PIP4P2: variants seen among roughly 807,000 people sequenced by gnomAD.
PIP4P2 encodes phosphatidylinositol-4,5-bisphosphate 4-phosphatase 2.
In PIP4P2, 19 loss-of-function variants were observed where a neutral mutation model predicts 33.3. The observed-to-expected ratio is 0.57, with a 90% confidence interval of 0.40 to 0.84. The LOEUF is 0.84. PIP4P2 is among the 40% of genes least tolerant of loss of function. The probability of loss-of-function intolerance (pLI) is 0.00; values close to 1 mark genes in which losing one functional copy is unlikely to be tolerated. For missense variants in PIP4P2, 270 were observed against 324.7 expected (o/e 0.83, Z 1.29); for synonymous variants, 110 against 111.9 (o/e 0.98, Z 0.11).
chr8:91,036,025 C>A (rs1452881709), intron 1 of PIP4P2, among the ~76,000 whole-genome samples: 2 of 151,434 alleles, frequency 1.3e-5, no homozygotes, highest in African/African-American at 4.9e-5. Context: ...AAAAAAAAAA[C>A]AAAACCAAAA....
At chr8:91,025,191 G>C (rs539355356) in intron 1 of PIP4P2, among the ~76,000 whole-genome samples, 1 of 151,138 alleles carries the variant, frequency 6.6e-6, no homozygotes, top group African/African-American at 2.4e-5. Context: ...GAATCGGGGT[G>C]GGGGGGAATT....
chr8:91,022,615 C>T (rs1470648709), intron 1 of PIP4P2, among the ~76,000 whole-genome samples: 1 of 152,074 alleles, frequency 6.6e-6, no homozygotes, highest in African/African-American at 2.4e-5. Flanking sequence ...ATCACAATAG[C>T]TAAGCATAAT....
At chr8:91,028,822 A>G (rs969418299) in intron 1 of PIP4P2, among the ~76,000 whole-genome samples, 1 of 152,206 alleles carries the variant, frequency 6.6e-6, no homozygotes, top group African/African-American at 2.4e-5. Flanking sequence ...CGGCTGCTTC[A>G]TAACTGAAGT....
intron 3 of PIP4P2, among the ~76,000 whole-genome samples, 167 bp downstream of exon 3, chr8:91,019,990 G>C (rs1811983055): frequency 6.6e-6 from 1 of 152,108 alleles, no homozygotes; most frequent in African/African-American, 2.4e-5. Flanking sequence ...CTATGACTAA[G>C]TTCAAACTAA....
In PIP4P2 at chr8:91,030,067, G is replaced by A. The variant is rs1000435618; in HGVS notation, c.107-8663C>T. ...CAACAGAAATTAGAAAAGACTGCAT[G>A]AAAGAAAGGAGCCTCAGCAAATGTG... On this transcript the variant is annotated intron_variant, in intron 1 of 6. Transcript: ENST00000285419. 3.3e-5 allele frequency among the ~76,000 whole-genome samples: 5 copies of A among 152,128 alleles called. 1 individual carries two copies. The highest frequency in any genetic ancestry group is 5.9e-5 in the Non-Finnish European group (4 of 68,026).
intron 5 of PIP4P2, among the ~76,000 whole-genome samples, chr8:91,005,771 T>C (rs1811755011): frequency 6.6e-6 from 1 of 152,244 alleles, no homozygotes; most frequent in African/African-American, 2.4e-5. Context: ...TATTCAATGA[T>C]AATTGTCATG....
intron 1 of PIP4P2, among the ~76,000 whole-genome samples, chr8:91,039,906 A>G (rs531945381): frequency 6.6e-6 from 1 of 152,286 alleles, no homozygotes; most frequent in East Asian, 1.9e-4. Context: ...AAATAGAAAT[A>G]TATGTATTAT....
In PIP4P2 at chr8:91,040,786, G is replaced by A. The variant is rs772137310; in HGVS notation, c.-37C>T. The A allele has an allele frequency of 3.4e-5, 54 of 1,594,138 alleles. No individual in the cohort carries two copies. The highest frequency in any genetic ancestry group is 2.2e-4 in the Middle Eastern group (1 of 4,480). ...CGGCGGGGCCTGGGGAGGCCGAGCC[G>A]GGGTTGCGGCCTCGGCGGAGTGGTG... On this transcript the variant is annotated 5_prime_UTR_variant, in exon 1 of 7. Coordinates refer to ENST00000285419, the MANE Select transcript of PIP4P2 (RefSeq NM_018710.3).
At chr8:90,998,238 T>G (rs1811655356) in intron 5 of PIP4P2, among the ~76,000 whole-genome samples, 1 of 152,072 alleles carries the variant, frequency 6.6e-6, no homozygotes. Context: ...AATTATGTAC[T>G]GAATAAGTCA....
At chr8:91,032,995 TG>T (rs1265527920) in intron 1 of PIP4P2, among the ~76,000 whole-genome samples, 2 of 152,148 alleles carry the variant, frequency 1.3e-5, no homozygotes, top group African/African-American at 4.8e-5. Flanking sequence ...TGTATGCATT[TG>T]GCAAACCTTC....
At chr8:91,035,713 T>C (rs879871255) in intron 1 of PIP4P2, among the ~76,000 whole-genome samples, 2 of 152,140 alleles carry the variant, frequency 1.3e-5, no homozygotes, top group Non-Finnish European at 2.9e-5. Flanking sequence ...AAAATGACAA[T>C]ATGTGTATGA....
At chr8:90,995,845 C>T in intron 6 of PIP4P2, 25 bp from the exon 7 acceptor site, 1 of 1,581,610 alleles carries the variant, frequency 6.3e-7, no homozygotes, top group Non-Finnish European at 8.6e-7. Flanking sequence ...AATATAAAAA[C>T]AAAATATTAG....
Position 91,029,319 on chromosome 8 carries a change from A to G in PIP4P2, c.107-7915T>C, listed in dbSNP as rs79410955. 2.9e-3 allele frequency among the ~76,000 whole-genome samples: 442 copies of G among 152,144 alleles called. 2 individuals carry two copies. The highest frequency in any genetic ancestry group is 9.7e-3 in the African/African-American group (403 of 41,524). ...AAAAGAAAAAAAAAAAGAAATTACT[A>G]AAGAAATCTAGGAATTAAACCATTA... On this transcript the variant is annotated intron_variant, in intron 1 of 6. Transcript: ENST00000285419.
intron 4 of PIP4P2, among the ~76,000 whole-genome samples, chr8:91,011,893 T>C (rs796464645): frequency 6.6e-6 from 1 of 152,042 alleles, no homozygotes; most frequent in Non-Finnish European, 1.5e-5. Flanking sequence ...CATATTACTT[T>C]AGCAATTGTG....
chr8:90,996,377 T>A (rs2130345605), intron 6 of PIP4P2, among the ~76,000 whole-genome samples: 1 of 152,236 alleles, frequency 6.6e-6, no homozygotes, highest in African/African-American at 2.4e-5. Flanking sequence ...GGCACTGATT[T>A]TTTTTTAAAT....
intron 1 of PIP4P2, among the ~76,000 whole-genome samples, chr8:91,022,356 G>A (rs1366643289): frequency 1.3e-5 from 2 of 152,104 alleles, no homozygotes; most frequent in African/African-American, 2.4e-5. Context: ...TCAAAATCAA[G>A]TATCTACCAG....
chr8:91,000,518 A>G lies in PIP4P2; in HGVS notation c.540-3774T>C, dbSNP rs59589839. Among the ~76,000 whole-genome samples, 613 of 151,612 alleles carry G rather than the reference A, an allele frequency of 4.0e-3. 3 individuals are homozygous for G. The highest frequency in any genetic ancestry group is 0.014 in the African/African-American group (596 of 41,400). ...TACCTTCATTATTCTTTGATGGTTT[A>G]GATAGGTGTATAATACCAGTTTGAC... On this transcript the variant is annotated intron_variant, in intron 5 of 6. Transcript: ENST00000285419.
intron 2 of PIP4P2, among the ~76,000 whole-genome samples, 155 bp from the exon 3 acceptor site, chr8:91,020,418 T>C (rs556798783): frequency 4.7e-4 from 71 of 152,310 alleles, no homozygotes; most frequent in African/African-American, 1.7e-3. Context: ...CTATAAAACA[T>C]ATGAAGTCAA....
At chr8:90,996,113 A>G (rs1811625331) in intron 6 of PIP4P2, among the ~76,000 whole-genome samples, 1 of 152,166 alleles carries the variant, frequency 6.6e-6, no homozygotes, top group African/African-American at 2.4e-5. Flanking sequence ...GGACATTGCT[A>G]ATAATAAGGG....
Sources: gnomAD v4.1 joint callset for allele counts (sites outside exome capture counted in the v4.1 genomes callset) on GRCh38, gnomAD v4.1.1 for gene constraint, MANE v1.5 for transcripts, NCBI Gene and HGNC (gene_info 2026-07-23, HGNC 2026-07-21) for gene names.